The following SYNGR3 variants were observed in gnomAD, a reference collection of about 807,000 sequenced individuals.
The protein encoded by SYNGR3 is synaptogyrin 3, also known as synaptogyrin-3.
In SYNGR3, 10 loss-of-function variants were observed where a neutral mutation model predicts 18.5. The observed-to-expected ratio is 0.54, with a 90% CI of 0.33 to 0.92. The LOEUF (loss-of-function observed/expected upper bound fraction) is 0.92. Ranked by LOEUF, SYNGR3 falls within the 40% of genes least tolerant of loss-of-function variation. SYNGR3 has a pLI of 0.02. For synonymous variants in SYNGR3, 188 were observed against 157.2 expected (o/e 1.20, Z -1.47); for missense variants, 335 against 332.8 (o/e 1.01, Z -0.05).
Position 1,993,860 on chromosome 16 carries a change from TG to T in SYNGR3, c.*790del, listed in dbSNP as rs2083617869. ...AGGAGAGAGGCCCAGAGGCTCCAGC[TG>T]GCCACCGTGCCCCACAAGATGGCCC... On this transcript the variant is annotated 3_prime_UTR_variant, in exon 4 of 4. Coordinates refer to ENST00000248121, the MANE Select transcript of SYNGR3 (RefSeq NM_004209.6). 3.1e-6 allele frequency: 1 copy of T among 323,168 alleles called. No homozygotes were observed. Among genetic ancestry groups the T allele is most frequent in the East Asian group, 8.4e-5 (1 of 11,898 alleles). 20.0% of individuals were successfully genotyped at this position (323,168 alleles called of 1,614,324 possible).
Position 1,992,784 on chromosome 16 carries a change from T to G in SYNGR3, c.480+6T>G. 6.5e-7 allele frequency: 1 copy of G among 1,539,672 alleles called. No homozygotes were observed. Among genetic ancestry groups the G allele is most frequent in the Non-Finnish European group, 8.7e-7 (1 of 1,148,362 alleles). Reference sequence around the variant, plus strand: ...TCTTCTCCATCCTCAGCTGGGTGAGTGCGGGGCCCGGGAGGGCGGGGCGAA... The same window carrying G: ...TCTTCTCCATCCTCAGCTGGGTGAGGGCGGGGCCCGGGAGGGCGGGGCGAA... On this transcript the variant is annotated splice_donor_region_variant and intron_variant, in intron 3 of 3. Coordinates refer to ENST00000248121, the MANE Select transcript of SYNGR3 (RefSeq NM_004209.6).
chr16:1,992,204 C>A lies in SYNGR3; in HGVS notation c.330C>A (p.Gly110=). 8.2e-7 allele frequency: 1 copy of A among 1,216,988 alleles called. No individual in the cohort carries two copies. The highest frequency in any genetic ancestry group is 1.0e-6 in the Non-Finnish European group (1 of 968,248). The allele number at this position is 1,216,988 out of a possible 1,614,324, so 75.4% of individuals were successfully genotyped here. A position where few individuals can be genotyped will look rare whatever the true frequency, so the allele number is the denominator to read the frequency against. The stretch of plus-strand genomic sequence containing the variant: ...GGCGCGCGGTGTTGCTGGACCTGGG[C>A]TTCTCAGGTGGGCGGGGCCGGGGCG... ...DRRRAVLLDL[G]FSGLWSFLWF... is the part of the protein sequence containing the mutation. The change falls in exon 2 of 4, where the codon GGC becomes GGA. Residue 110 remains glycine, a synonymous_variant. Transcript: ENST00000248121.
At chr16:1,990,365 C>A in intron 1 of SYNGR3, 164 bp downstream of exon 1, 1 of 397,644 alleles carries the variant, frequency 2.5e-6, no homozygotes, top group Non-Finnish European at 4.5e-6. Flanking sequence ...GTTGGGGTGA[C>A]GTCACCGGGC....
intron 1 of SYNGR3, 121 bp from the exon 2 acceptor site, chr16:1,991,853 C>A: frequency 1.2e-6 from 1 of 812,832 alleles, no homozygotes. Flanking sequence ...AAAGAGGTGA[C>A]ACCGCCCCCC....
At chr16:1,990,537 AG>A (rs770252061) in intron 1 of SYNGR3, 1 of 468,684 alleles carries the variant, frequency 2.1e-6, no homozygotes, top group South Asian at 1.6e-5. Context: ...ACCTGGAAGC[AG>A]GGACGGGGTG....
intron 1 of SYNGR3, 152 bp downstream of exon 1, chr16:1,990,353 A>C: frequency 3.4e-6 from 1 of 294,962 alleles, no homozygotes; most frequent in Non-Finnish European, 5.8e-6. Flanking sequence ...CGCCGGCCTC[A>C]GGTTGGGGTG....
At position 1,992,175 on chromosome 16, in the gene SYNGR3, C is replaced by T; in HGVS notation, c.301C>T (p.Arg101Cys). 1 of 1,445,752 alleles carries T rather than the reference C, an allele frequency of 6.9e-7. No individual in the cohort carries two copies. Among genetic ancestry groups the T allele is most frequent in the Non-Finnish European group, 9.1e-7 (1 of 1,099,420 alleles). The allele number at this position is 1,445,752 out of a possible 1,614,324, so 89.6% of individuals were successfully genotyped here. A position where few individuals can be genotyped will look rare whatever the true frequency, so the allele number is the denominator to read the frequency against. Residue 101 changes from arginine (R) to cysteine (C), a missense_variant, in exon 2 of 4, where the codon CGC becomes TGC. By Grantham distance (180) the Arg-to-Cys change is radical (BLOSUM62 -3). Transcript: ENST00000248121. ...CCAGCAAATCAGCAGCGTCCGCGAC[C>T]GCCGGCGCGCGGTGTTGCTGGACCT... is the stretch of plus-strand genomic sequence containing the variant. ...RFQQISSVRD[R>C]RRAVLLDLGF...
At position 1,990,094 on chromosome 16, in the gene SYNGR3, G is replaced by C. The variant is rs1041712375; in HGVS notation, c.-9G>C. The C allele has an allele frequency of 5.0e-6, 6 of 1,196,564 alleles. No individual in the cohort carries two copies. The highest frequency in any genetic ancestry group is 3.3e-4 in the Middle Eastern group (1 of 3,032). 74.1% of individuals were successfully genotyped at this position (1,196,564 alleles called of 1,614,324 possible). On this transcript the variant is annotated 5_prime_UTR_variant, in exon 1 of 4. Transcript: ENST00000248121. ...GGCGCCAGGGGCGCGCGTCCCGCCC[G>C]GGCCGGCCATGGAGGGCGCCTCCTT... is the stretch of plus-strand genomic sequence containing the variant.
chr16:1,990,336 C>T, intron 1 of SYNGR3, 135 bp downstream of exon 1: 1 of 443,884 alleles, frequency 2.3e-6, no homozygotes, highest in Non-Finnish European at 3.8e-6. Context: ...CTCGCCGGCC[C>T]CTCCCCCGCC....
Position 1,993,901 on chromosome 16 carries a change from T to G in SYNGR3, c.*829T>G, listed in dbSNP as rs2083618047. On this transcript the variant is annotated 3_prime_UTR_variant, in exon 4 of 4. Coordinates refer to ENST00000248121, the MANE Select transcript of SYNGR3 (RefSeq NM_004209.6). ...CAAGATGGCCCCTGTGTGGTTCCCT[T>G]TACCTTGGCTTCCTGGCCCAGTCCC... 1 of 278,802 alleles carries G rather than the reference T, an allele frequency of 3.6e-6. No individual in the cohort carries two copies. Among genetic ancestry groups the G allele is most frequent in the African/African-American group, 2.2e-5 (1 of 45,154 alleles). The allele number at this position is 278,802 out of a possible 1,614,324, so 17.3% of individuals were successfully genotyped here. A position where few individuals can be genotyped will look rare whatever the true frequency, so the allele number is the denominator to read the frequency against.
chr16:1,992,933 AGC>A lies in SYNGR3; in HGVS notation c.552_553del (p.Gln184HisfsTer123). 1 of 1,610,898 alleles carries A rather than the reference AGC, an allele frequency of 6.2e-7. No individual in the cohort carries two copies. The highest frequency in any genetic ancestry group is 8.5e-7 in the Non-Finnish European group (1 of 1,179,144). ...GACATGTCACTCTTCGCCACCGAAC[AGC>A]TGAGCACCGGGGCGAGCCAGGCCTA... is the stretch of plus-strand genomic sequence containing the variant. On this transcript the variant is annotated frameshift_variant, in exon 4 of 4. Coordinates refer to ENST00000248121, the MANE Select transcript of SYNGR3 (RefSeq NM_004209.6). LOFTEE classifies it high-confidence loss of function.
chr16:1,990,451 C>G lies in SYNGR3; in HGVS notation c.99+250C>G, dbSNP rs559915320. On this transcript the variant is annotated intron_variant, in intron 1 of 3. Coordinates refer to ENST00000248121, the MANE Select transcript of SYNGR3 (RefSeq NM_004209.6). Reference sequence around the variant, plus strand: ...ACCTTGAGAGGTCACCGCCGGTCGCCTCTACCCCTACCTCCTCCCCGGGTC... The same window carrying G: ...ACCTTGAGAGGTCACCGCCGGTCGCGTCTACCCCTACCTCCTCCCCGGGTC... The G allele has an allele frequency of 7.8e-4, 421 of 540,594 alleles. 1 individual carries two copies. The highest frequency in any genetic ancestry group is 7.4e-3 in the African/African-American group (371 of 50,252). 33.5% of individuals were successfully genotyped at this position (540,594 alleles called of 1,614,324 possible).
intron 1 of SYNGR3, 42 bp downstream of exon 1, chr16:1,990,243 C>G (rs1043227152): frequency 3.3e-5 from 37 of 1,132,954 alleles, no homozygotes; most frequent in Admixed American, 4.2e-5. Flanking sequence ...GCCCCTGCCT[C>G]GCGACCTTCA....
At chr16:1,991,048 C>G (rs954984841) in intron 1 of SYNGR3, 1 of 152,676 alleles carries the variant, frequency 6.5e-6, no homozygotes, top group Non-Finnish European at 1.5e-5. Flanking sequence ...TGGCTCCACT[C>G]TCGGAGCTGG....
At position 1,992,795 on chromosome 16, in the gene SYNGR3, G is replaced by A. The variant is rs1179795147; in HGVS notation, c.480+17G>A. 2 of 1,523,276 alleles carry A rather than the reference G, an allele frequency of 1.3e-6. No homozygotes were observed. The highest frequency in any genetic ancestry group is 2.8e-5 in the African/African-American group (2 of 71,068). The allele number at this position is 1,523,276 out of a possible 1,614,324, so 94.4% of individuals were successfully genotyped here. On this transcript the variant is annotated intron_variant, in intron 3 of 3. Transcript: ENST00000248121. ...CTCAGCTGGGTGAGTGCGGGGCCCGGGAGGGCGGGGCGAAGGGGCGGGCGC... is the reference window on the plus strand; with the variant it reads ...CTCAGCTGGGTGAGTGCGGGGCCCGAGAGGGCGGGGCGAAGGGGCGGGCGC...
Position 1,992,179 on chromosome 16 carries a change from G to T in SYNGR3, c.305G>T (p.Arg102Leu). 3 of 1,447,216 alleles carry T rather than the reference G, an allele frequency of 2.1e-6. No individual in the cohort carries two copies. Among genetic ancestry groups the T allele is most frequent in the Non-Finnish European group, 2.7e-6 (3 of 1,100,582 alleles). 89.6% of individuals were successfully genotyped at this position (1,447,216 alleles called of 1,614,324 possible). The change falls in exon 2 of 4, where the codon CGG becomes CTG. Residue 102 changes from arginine to leucine, a missense_variant. Arg to Leu is a moderately radical substitution (Grantham distance 102, BLOSUM62 -2). Coordinates refer to ENST00000248121, the MANE Select transcript of SYNGR3 (RefSeq NM_004209.6). ...CAAATCAGCAGCGTCCGCGACCGCC[G>T]GCGCGCGGTGTTGCTGGACCTGGGC... ...FQQISSVRDR[R>L]RAVLLDLGFS...
At chr16:1,992,840 C>G (rs2083612500) in intron 3 of SYNGR3, 23 bp from the exon 4 acceptor site, 4 of 1,521,686 alleles carry the variant, frequency 2.6e-6, no homozygotes, top group African/African-American at 1.4e-5. Context: ...CCCGGCTGAC[C>G]CCGCTGACCC....
rs370896197 is a variant in SYNGR3 at position 1,993,034 on chromosome 16, G to C, written c.652G>C (p.Asp218His). ...GAGCCCGCCCTTCACCGAGACCCTG[G>C]ACACCAGCCCCAAAGGGTACCAGGT... ...YQSPPFTETL[D>H]TSPKGYQVPA... The change falls in exon 4 of 4, where the codon GAC becomes CAC. Residue 218 changes from aspartate (D) to histidine (H), a missense_variant. Transcript: ENST00000248121. 3 of 1,611,802 alleles carry C rather than the reference G, an allele frequency of 1.9e-6. No individual in the cohort carries two copies. Among genetic ancestry groups the C allele is most frequent in the Non-Finnish European group, 1.7e-6 (2 of 1,179,696 alleles).
At chr16:1,991,636 G>A (rs2083604350) in intron 1 of SYNGR3, 4 of 295,780 alleles carry the variant, frequency 1.4e-5, no homozygotes, top group Non-Finnish European at 2.6e-5. Context: ...ATGTGATCCC[G>A]GACAAGTCAC....
Sources: allele counts gnomAD v4.1 joint callset, GRCh38; gene constraint gnomAD v4.1.1; transcripts MANE v1.5; gene names NCBI Gene and HGNC (gene_info 2026-07-23, HGNC 2026-07-21).